The following DRC8 variants were observed in gnomAD, a reference collection of about 807,000 sequenced individuals.
The protein encoded by DRC8 is dynein regulatory complex subunit 8, also known as dynein regulatory complex protein 8.
chr1:244,972,738 A>G, the DRC8 span, among the ~76,000 whole-genome samples: 2 of 150,634 alleles, frequency 1.3e-5, no homozygotes, highest in Non-Finnish European at 3.0e-5. Context: ...AATTGCTTGA[A>G]CCGGGGAGGC....
the DRC8 span, among the ~76,000 whole-genome samples, chr1:245,114,968 C>A: frequency 9.6e-3 from 1,469 of 152,310 alleles, 13 homozygotes; most frequent in African/African-American, 0.03. Flanking sequence ...TTGTGATCCA[C>A]CCGCCTCAGC....
the DRC8 span, among the ~76,000 whole-genome samples, chr1:244,975,693 T>C: frequency 5.9e-5 from 9 of 151,892 alleles, no homozygotes; most frequent in African/African-American, 2.2e-4. Context: ...ACCCTGTCTC[T>C]ACTAAAAATA....
the DRC8 span, among the ~76,000 whole-genome samples, chr1:245,060,763 C>T: frequency 1.3e-5 from 2 of 152,196 alleles, no homozygotes; most frequent in African/African-American, 2.4e-5. Context: ...AAAATACCTC[C>T]GAAGGTCAGA....
the DRC8 span, among the ~76,000 whole-genome samples, chr1:245,076,286 G>C: frequency 1.3e-5 from 2 of 152,150 alleles, no homozygotes; most frequent in African/African-American, 4.8e-5. Flanking sequence ...AGTTCACAAA[G>C]CACCTTCATA....
the DRC8 span, chr1:245,059,506 C>A: frequency 6.8e-7 from 1 of 1,478,856 alleles, no homozygotes; most frequent in East Asian, 2.3e-5. Context: ...TGTGTGAGAG[C>A]TACTCCTTGT....
At chr1:245,083,886 G>T in the DRC8 span, 1 of 614,056 alleles carries the variant, frequency 1.6e-6, no homozygotes, top group Non-Finnish European at 2.6e-6. Context: ...AGGGGAGATG[G>T]GTTGTTGTCT....
At chr1:245,110,047 G>T in the DRC8 span, among the ~76,000 whole-genome samples, 4 of 152,134 alleles carry the variant, frequency 2.6e-5, no homozygotes, top group African/African-American at 9.7e-5. Context: ...TTGGCCAATT[G>T]CGTAACTGGA....
chr1:245,103,155 G>A, the DRC8 span, among the ~76,000 whole-genome samples: 2 of 141,340 alleles, frequency 1.4e-5, no homozygotes, highest in Admixed American at 6.8e-5. Flanking sequence ...CACCCTGTGA[G>A]GCTGACGAGG....
the DRC8 span, among the ~76,000 whole-genome samples, chr1:244,984,273 CAT>C: frequency 6.6e-6 from 1 of 152,084 alleles, no homozygotes; most frequent in African/African-American, 2.4e-5. Context: ...AGAAATCAAT[CAT>C]AGACCCACAT....
chr1:245,028,748 G>C, the DRC8 span, among the ~76,000 whole-genome samples: 3 of 152,176 alleles, frequency 2.0e-5, no homozygotes, highest in Admixed American at 2.0e-4. Flanking sequence ...AATCCAAAGA[G>C]AATAAAATTC....
At chr1:245,051,083 C>T in the DRC8 span, among the ~76,000 whole-genome samples, 1 of 151,984 alleles carries the variant, frequency 6.6e-6, no homozygotes, top group Non-Finnish European at 1.5e-5. Flanking sequence ...TTGTCCAGGC[C>T]ACCTTCTGTA....
At chr1:245,042,199 C>T in the DRC8 span, among the ~76,000 whole-genome samples, 390 of 152,308 alleles carry the variant, frequency 2.6e-3, 2 homozygotes, top group African/African-American at 8.8e-3. Context: ...GAAAAGTGAC[C>T]GTGTGGTTAA....
chr1:245,006,092 C>T, the DRC8 span, among the ~76,000 whole-genome samples: 1 of 152,272 alleles, frequency 6.6e-6, no homozygotes, highest in Non-Finnish European at 1.5e-5. Flanking sequence ...GGGCTTTGTG[C>T]GCCTGGTTAA....
the DRC8 span, among the ~76,000 whole-genome samples, chr1:244,974,693 C>G: frequency 1.3e-5 from 2 of 151,920 alleles, no homozygotes; most frequent in Non-Finnish European, 2.9e-5. Flanking sequence ...CAGGGTCTTG[C>G]TCTGCTGCCC....
chr1:245,054,533 C>G, the DRC8 span, among the ~76,000 whole-genome samples: 1 of 152,174 alleles, frequency 6.6e-6, no homozygotes, highest in Non-Finnish European at 1.5e-5. Context: ...GGATGACTTT[C>G]CATTTTTTTT....
chr1:245,072,281 CCTTTTTT>C, the DRC8 span, among the ~76,000 whole-genome samples: 5 of 152,144 alleles, frequency 3.3e-5, no homozygotes, highest in African/African-American at 7.2e-5. Context: ...ATTGAAGAAA[CCTTTTTT>C]CTTTTTTCTT....
chr1:245,110,243 G>A, the DRC8 span, among the ~76,000 whole-genome samples: 3 of 152,096 alleles, frequency 2.0e-5, no homozygotes, highest in African/African-American at 7.2e-5. Context: ...AATCAGTCGA[G>A]CATGGTGATG....
the DRC8 span, among the ~76,000 whole-genome samples, chr1:244,989,856 A>G: frequency 6.6e-5 from 10 of 152,362 alleles, no homozygotes; most frequent in African/African-American, 2.4e-4. Flanking sequence ...TTAGTTAACT[A>G]AGGTCAACCA....
the DRC8 span, among the ~76,000 whole-genome samples, chr1:245,053,174 A>T: frequency 6.6e-6 from 1 of 152,216 alleles, no homozygotes; most frequent in Non-Finnish European, 1.5e-5. Flanking sequence ...AATGATGTAC[A>T]GCAAGTCTTT....
Sources: gnomAD v4.1 joint callset for allele counts (sites outside exome capture counted in the v4.1 genomes callset) on GRCh38, gnomAD v4.1.1 for gene constraint, MANE v1.5 for transcripts, NCBI Gene and HGNC (gene_info 2026-07-23, HGNC 2026-07-21) for gene names.